CDH13: variants seen among roughly 807,000 people sequenced by gnomAD.
The protein encoded by CDH13 is cadherin 13, also known as cadherin-13.
Under a neutral mutation model 63.8 loss-of-function variants are expected in CDH13, and 24 were observed. The ratio of observed to expected loss-of-function variants is 0.38; its 90% CI spans 0.27 to 0.53. The LOEUF (loss-of-function observed/expected upper bound fraction) is 0.53. Among genes scored for constraint, CDH13 ranks in the 20% least tolerant of loss-of-function variants. The pLI is 0.85. For synonymous variants in CDH13, 503 were observed against 355.3 expected, an observed-to-expected ratio of 1.42 and a Z score of -4.67; for missense variants, 1,049 against 903.1, an observed-to-expected ratio of 1.16 and a Z score of -2.07.
At chr16:82,939,193 G>T (rs972105125) in intron 2 of CDH13, among the ~76,000 whole-genome samples, 8 of 152,286 alleles carry the variant, frequency 5.3e-5, no homozygotes, top group African/African-American at 1.9e-4. Flanking sequence ...AGAGGCTGAG[G>T]CAGATGGATC....
intron 6 of CDH13, among the ~76,000 whole-genome samples, chr16:83,448,341 A>G (rs1412964845): frequency 6.6e-6 from 1 of 152,126 alleles, no homozygotes; most frequent in Non-Finnish European, 1.5e-5. Flanking sequence ...AAATGCAGAG[A>G]TCCAAGATAC....
At chr16:82,864,258 C>T (rs1321801126) in intron 2 of CDH13, among the ~76,000 whole-genome samples, 2 of 152,180 alleles carry the variant, frequency 1.3e-5, no homozygotes, top group African/African-American at 4.8e-5. Flanking sequence ...GAAGGGACTC[C>T]TGTCCATGTT....
At position 82,934,916 on chromosome 16, in the gene CDH13, A is replaced by G. The variant is rs2042617756; in HGVS notation, c.157+76443A>G. ...TATCTAGTAAGTTCCAAACTTTACCACATTTTCCTGTGTTCTTCTGAGTCC... is the reference window on the plus strand; with the variant it reads ...TATCTAGTAAGTTCCAAACTTTACCGCATTTTCCTGTGTTCTTCTGAGTCC... On this transcript the variant is annotated intron_variant, in intron 2 of 13. Transcript: ENST00000567109. Among the ~76,000 whole-genome samples the G allele has an allele frequency of 3.3e-5, 5 of 152,290 alleles. No individual in the cohort carries two copies. In the South Asian group the frequency reaches 1.0e-3, roughly 32 times the overall value.
chr16:83,634,003 C>G (rs958339319), intron 8 of CDH13, among the ~76,000 whole-genome samples: 19 of 152,188 alleles, frequency 1.2e-4, no homozygotes, highest in Admixed American at 3.3e-4. Context: ...TCAGCTTCCT[C>G]CGTAGTAACA....
At chr16:83,261,719 T>TG (rs1254878128) in intron 5 of CDH13, among the ~76,000 whole-genome samples, 1 of 150,006 alleles carries the variant, frequency 6.7e-6, no homozygotes, top group African/African-American at 2.4e-5. Flanking sequence ...TTTTTTTTTT[T>TG]GATGACAGAA....
chr16:82,814,823 G>T (rs991457455), intron 1 of CDH13, among the ~76,000 whole-genome samples: 2 of 152,114 alleles, frequency 1.3e-5, no homozygotes, highest in African/African-American at 4.8e-5. Context: ...GGCATCTGAA[G>T]TAGGGGACAG....
intron 2 of CDH13, among the ~76,000 whole-genome samples, chr16:82,890,932 G>A (rs1991026): frequency 0.25 from 37,603 of 151,916 alleles, 6,177 homozygotes; most frequent in Non-Finnish European, 0.36. Context: ...GATTACAGGC[G>A]TGAGCCACTG....
intron 6 of CDH13, among the ~76,000 whole-genome samples, chr16:83,454,413 C>T (rs1280265227): frequency 6.6e-6 from 1 of 152,168 alleles, no homozygotes; most frequent in Admixed American, 6.5e-5. Flanking sequence ...TAGAAATCAG[C>T]CCTAATTATT....
chr16:83,351,849 G>A (rs2090957674), intron 6 of CDH13, among the ~76,000 whole-genome samples: 1 of 152,208 alleles, frequency 6.6e-6, no homozygotes, highest in African/African-American at 2.4e-5. Context: ...CATGCAGCAG[G>A]ATACAATAGT....
chr16:83,721,706 C>G (rs1264697510), intron 10 of CDH13: 4 of 152,242 alleles, frequency 2.6e-5, no homozygotes, highest in Non-Finnish European at 5.9e-5. Context: ...TGTTAACCAC[C>G]TGGCGAATGG....
At chr16:82,630,472 T>C (rs566869826) in intron 1 of CDH13, among the ~76,000 whole-genome samples, 1 of 152,350 alleles carries the variant, frequency 6.6e-6, no homozygotes, top group Admixed American at 6.5e-5. Flanking sequence ...CCTCCCTCCC[T>C]TCTCCCCTTT....
chr16:83,702,100 C>G (rs1191995471), intron 10 of CDH13, among the ~76,000 whole-genome samples: 1 of 152,176 alleles, frequency 6.6e-6, no homozygotes. Context: ...TGTCAAGAAT[C>G]ATCCCAAATA....
chr16:83,353,690 C>T (rs557197664), intron 6 of CDH13, among the ~76,000 whole-genome samples: 61 of 152,380 alleles, frequency 4.0e-4, no homozygotes, highest in African/African-American at 1.3e-3. Context: ...CTGAAACACT[C>T]TCCTCTCTAA....
chr16:82,828,677 T>C (rs1474222615), intron 1 of CDH13, among the ~76,000 whole-genome samples: 1 of 151,502 alleles, frequency 6.6e-6, no homozygotes, highest in African/African-American at 2.4e-5. Context: ...TATATATATA[T>C]GTATACACAA....
At chr16:83,508,098 AAG>A (rs1491370825) in intron 7 of CDH13, among the ~76,000 whole-genome samples, 167 of 77,904 alleles carry the variant, frequency 2.1e-3, no homozygotes, top group South Asian at 2.6e-3. Flanking sequence ...GAAGGAAGGA[AAG>A]AAGGAAGGAA....
chr16:83,108,458 G>C (rs913259167), intron 3 of CDH13, among the ~76,000 whole-genome samples: 2 of 152,136 alleles, frequency 1.3e-5, no homozygotes, highest in Non-Finnish European at 2.9e-5. Flanking sequence ...AGCGAGAAAG[G>C]GTCCTGCTTG....
intron 2 of CDH13, chr16:82,926,058 G>T (rs374288033): frequency 2.0e-5 from 3 of 152,138 alleles, no homozygotes; most frequent in East Asian, 3.9e-4. Context: ...AAATAAAAAA[G>T]ACATTTTAAT....
intron 3 of CDH13, among the ~76,000 whole-genome samples, chr16:83,100,014 A>G (rs1411965901): frequency 1.3e-5 from 2 of 152,124 alleles, no homozygotes; most frequent in Non-Finnish European, 2.9e-5. Flanking sequence ...GTTTCTGCTA[A>G]CAGTCAGTAA....
chr16:83,270,541 C>T (rs1043554798), intron 5 of CDH13, among the ~76,000 whole-genome samples: 2 of 152,188 alleles, frequency 1.3e-5, no homozygotes, highest in African/African-American at 4.8e-5. Flanking sequence ...ATGGAAAAGA[C>T]ATGAGTATGC....
Sources: allele counts gnomAD v4.1 joint callset (sites outside exome capture counted in the v4.1 genomes callset), GRCh38; gene constraint gnomAD v4.1.1; transcripts MANE v1.5; gene names NCBI Gene and HGNC (gene_info 2026-07-23, HGNC 2026-07-21).